PRIM1: variants seen among roughly 807,000 people sequenced by gnomAD.
PRIM1 encodes the protein DNA primase small subunit.
A neutral mutation model predicts 60.2 loss-of-function variants in PRIM1; 38 were observed. The observed-to-expected ratio is 0.63, with a 90% CI of 0.49 to 0.83. PRIM1 has a LOEUF of 0.83. PRIM1 is among the 40% of genes least tolerant of loss of function. The probability of loss-of-function intolerance (pLI) is 0.00; values close to 1 mark genes in which losing one functional copy is unlikely to be tolerated. For synonymous variants in PRIM1, 158 were observed against 160.2 expected (o/e 0.99, Z 0.10); for missense variants, 388 against 506.2 (o/e 0.77, Z 2.24).
chr12:56,744,573 G>A lies in PRIM1; in HGVS notation c.580-450C>T, dbSNP rs577751721. Among the ~76,000 whole-genome samples the A allele has an allele frequency of 7.0e-4, 106 of 152,034 alleles. 1 individual carries two copies. The highest frequency in any genetic ancestry group is 5.0e-3 in the Admixed American group (76 of 15,250). On this transcript the variant is annotated intron_variant, in intron 5 of 12. Coordinates refer to ENST00000338193, the MANE Select transcript of PRIM1 (RefSeq NM_000946.3). Reference sequence around the variant, plus strand: ...CTGTGACTTTTCTATGTTTAGGTATGTTTAGCTACATCAGTACCTATCATT... The same window carrying A: ...CTGTGACTTTTCTATGTTTAGGTATATTTAGCTACATCAGTACCTATCATT...
At chr12:56,744,493 C>CA (rs1278046326) in intron 5 of PRIM1, among the ~76,000 whole-genome samples, 71 of 142,956 alleles carry the variant, frequency 5.0e-4, no homozygotes, top group East Asian at 3.8e-3. Flanking sequence ...GACTCCATCT[C>CA]AAAAAAAAAA....
At chr12:56,734,014 C>T in intron 12 of PRIM1, 133 bp downstream of exon 12, 1 of 590,918 alleles carries the variant, frequency 1.7e-6, no homozygotes, top group Non-Finnish European at 2.9e-6. Flanking sequence ...CCTCAATTTC[C>T]AAAACATTAA....
chr12:56,745,994 G>C, intron 5 of PRIM1, 51 bp downstream of exon 5: 1 of 1,512,744 alleles, frequency 6.6e-7, no homozygotes, highest in Non-Finnish European at 8.9e-7. Flanking sequence ...TATCAGGCTT[G>C]GTAACATCTA....
chr12:56,750,878 G>A (rs1406299999), intron 2 of PRIM1, among the ~76,000 whole-genome samples, 160 bp downstream of exon 2: 1 of 151,836 alleles, frequency 6.6e-6, no homozygotes, highest in African/African-American at 2.4e-5. Context: ...AATGCAGAAC[G>A]TCAAAGAACA....
chr12:56,746,553 C>G (rs540091373), intron 4 of PRIM1, among the ~76,000 whole-genome samples: 142 of 151,714 alleles, frequency 9.4e-4, no homozygotes, highest in African/African-American at 3.3e-3. Flanking sequence ...ATCACTTGAA[C>G]CCAGGAGGCA....
At position 56,752,306 on chromosome 12, in the gene PRIM1, G is replaced by T. The variant is rs377762389; in HGVS notation, c.-8C>A. 23 of 1,559,756 alleles carry T rather than the reference G, an allele frequency of 1.5e-5. No individual in the cohort carries two copies. The African/African-American group carries it at 2.3e-4, about 16-fold the overall frequency. On this transcript the variant is annotated 5_prime_UTR_variant, in exon 1 of 13. Transcript: ENST00000338193. Reference sequence around the variant, plus strand: ...GGGGTCAAACGTCTCCATTGAGCGCGGAACTCGCCACGGTAAGGATTACCA... The same window carrying T: ...GGGGTCAAACGTCTCCATTGAGCGCTGAACTCGCCACGGTAAGGATTACCA...
chr12:56,749,102 G>A (rs1198947672), intron 2 of PRIM1, among the ~76,000 whole-genome samples: 14 of 152,232 alleles, frequency 9.2e-5, no homozygotes, highest in African/African-American at 2.6e-4. Context: ...TCCACCTACC[G>A]GGTTCAAGCA....
chr12:56,742,575 A>AAAC (rs201439312), intron 7 of PRIM1, among the ~76,000 whole-genome samples: 1 of 151,988 alleles, frequency 6.6e-6, no homozygotes, highest in Non-Finnish European at 1.5e-5. Flanking sequence ...TCCGTCTTAA[A>AAAC]AACAACAACA....
intron 11 of PRIM1, among the ~76,000 whole-genome samples, chr12:56,737,204 T>C (rs1953839304): frequency 6.6e-6 from 1 of 152,152 alleles, no homozygotes. Flanking sequence ...CAGAATCTAA[T>C]GCCTGATGAT....
At chr12:56,748,519 C>A (rs1056114542) in intron 2 of PRIM1, among the ~76,000 whole-genome samples, 10 of 150,486 alleles carry the variant, frequency 6.6e-5, no homozygotes, top group Admixed American at 3.3e-4. Flanking sequence ...CCCAGCTACT[C>A]GGGAGGGTGA....
Position 56,751,107 on chromosome 12 carries a change from A to G in PRIM1, c.192T>C (p.Ser64=). The G allele has an allele frequency of 6.3e-7, 1 of 1,595,328 alleles. No homozygotes were observed. The highest frequency in any genetic ancestry group is 8.6e-7 in the Non-Finnish European group (1 of 1,168,998). The change falls in exon 2 of 13, where the codon AGT becomes AGC. Residue 64 remains serine (S), a synonymous_variant. Coordinates refer to ENST00000338193, the MANE Select transcript of PRIM1 (RefSeq NM_000946.3). ...TTTTCTGCATCTCCTTTTCCAGATC[A>G]CTCTGGTTGTTGAAGGATTGGTAGC... is the stretch of plus-strand genomic sequence containing the variant. The part of the protein sequence containing the change: ...YIRYQSFNNQ[S]DLEKEMQKMN...
Position 56,752,277 on chromosome 12 carries a change from C to T in PRIM1, c.22G>A (p.Glu8Lys), listed in dbSNP as rs1953977754. The T allele has an allele frequency of 6.3e-7, 1 of 1,588,694 alleles. No homozygotes were observed. Among genetic ancestry groups the T allele is most frequent in the Non-Finnish European group, 8.6e-7 (1 of 1,167,418 alleles). Residue 8 changes from glutamate (E) to lysine (K), a missense_variant, in exon 1 of 13, where the codon GAG becomes AAG. By Grantham distance (56) the Glu-to-Lys change is moderately conservative. Transcript: ENST00000338193. METFDPTELPELLKLYYR... is the reference protein window; with the variant it reads METFDPTKLPELLKLYYR... ...TAAAGTTTAAGCAGCTCGGGCAGCTCGGTGGGGTCAAACGTCTCCATTGAG... is the reference window on the plus strand; with the variant it reads ...TAAAGTTTAAGCAGCTCGGGCAGCTTGGTGGGGTCAAACGTCTCCATTGAG...
chr12:56,739,682 G>A (rs1329191094), intron 9 of PRIM1, among the ~76,000 whole-genome samples: 2 of 152,070 alleles, frequency 1.3e-5, no homozygotes, highest in Non-Finnish European at 2.9e-5. Flanking sequence ...GATTATAGAC[G>A]TGAGCTACTG....
intron 2 of PRIM1, among the ~76,000 whole-genome samples, chr12:56,747,654 G>A (rs1953917482): frequency 6.6e-6 from 1 of 152,172 alleles, no homozygotes; most frequent in Non-Finnish European, 1.5e-5. Context: ...GCTGAAGCAG[G>A]AGTATCATTG....
chr12:56,733,970 G>C (rs1456111040), intron 12 of PRIM1, among the ~76,000 whole-genome samples, 177 bp downstream of exon 12: 1 of 152,156 alleles, frequency 6.6e-6, no homozygotes, highest in Non-Finnish European at 1.5e-5. Context: ...CTTAGAATGT[G>C]TTTAATAACT....
intron 9 of PRIM1, 41 bp from the exon 10 acceptor site, chr12:56,739,404 T>C (rs1415439090): frequency 2.2e-6 from 3 of 1,348,250 alleles, no homozygotes. Context: ...TTGTGGACTA[T>C]AAATCATTAT....
chr12:56,741,297 CT>C, intron 9 of PRIM1, 137 bp downstream of exon 9: 1 of 923,654 alleles, frequency 1.1e-6, no homozygotes, highest in East Asian at 2.8e-5. Context: ...ACTTAACTGA[CT>C]TAGGTATTGG....
chr12:56,742,749 CT>C (rs1255743552), intron 7 of PRIM1, among the ~76,000 whole-genome samples: 1 of 152,164 alleles, frequency 6.6e-6, no homozygotes, highest in Non-Finnish European at 1.5e-5. Flanking sequence ...ATTCACCATT[CT>C]TTAGCTGTTA....
intron 9 of PRIM1, among the ~76,000 whole-genome samples, chr12:56,740,526 TC>T (rs1490288861): frequency 6.6e-6 from 1 of 152,138 alleles, no homozygotes; most frequent in African/African-American, 2.4e-5. Context: ...TTGTCTGTAA[TC>T]CCAGCACTTT....
Sources: gnomAD v4.1 joint callset for allele counts (sites outside exome capture counted in the v4.1 genomes callset) on GRCh38, gnomAD v4.1.1 for gene constraint, MANE v1.5 for transcripts, NCBI Gene and HGNC (gene_info 2026-07-23, HGNC 2026-07-21) for gene names.